The following TMTC2 variants were observed in gnomAD, a reference collection of about 807,000 sequenced individuals.
The protein encoded by TMTC2 is transmembrane O-mannosyltransferase targeting cadherins 2.
Under a neutral mutation model 82.4 loss-of-function variants are expected in TMTC2, and 43 were observed. The observed-to-expected ratio is 0.52, with a 90% confidence interval of 0.41 to 0.67. The LOEUF (loss-of-function observed/expected upper bound fraction) is 0.67, where lower values mean the gene tolerates loss of function less well. Ranked by LOEUF, TMTC2 falls within the 30% of genes least tolerant of loss-of-function variation. The probability of loss-of-function intolerance (pLI) is 0.00; values close to 1 mark genes in which losing one functional copy is unlikely to be tolerated. For missense variants in TMTC2, 919 were observed against 1,012.4 expected, an observed-to-expected ratio of 0.91 and a Z score of 1.25; for synonymous variants, 408 against 381.9, an observed-to-expected ratio of 1.07 and a Z score of -0.80.
At position 82,845,771 on chromosome 12, in the gene TMTC2, A is replaced by AG. The variant is rs373298738; in HGVS notation, c.84-11238dup. ...TATTTTAATCAGTGAAAGTGCTTAG[A>AG]GTGTGGTATTTCTCATATTTTCATG... is the stretch of plus-strand genomic sequence containing the variant. On this transcript the variant is annotated intron_variant, in intron 1 of 11. Coordinates refer to ENST00000321196, the MANE Select transcript of TMTC2 (RefSeq NM_152588.3). Among the ~76,000 whole-genome samples the AG allele has an allele frequency of 4.2e-3, 635 of 152,160 alleles. 7 individuals are homozygous for AG. The highest frequency in any genetic ancestry group is 0.014 in the African/African-American group (595 of 41,472).
chr12:82,822,788 T>C (rs1869190307), intron 1 of TMTC2, among the ~76,000 whole-genome samples: 1 of 152,228 alleles, frequency 6.6e-6, no homozygotes, highest in Non-Finnish European at 1.5e-5. Flanking sequence ...AAAATACCTG[T>C]GACCATCTTG....
chr12:82,853,564 A>AT (rs1592575756), intron 1 of TMTC2, among the ~76,000 whole-genome samples: 1 of 152,114 alleles, frequency 6.6e-6, no homozygotes, highest in East Asian at 1.9e-4. Flanking sequence ...CTTTGAACAG[A>AT]TTTTTTAATG....
chr12:82,690,461 T>C lies in TMTC2; in HGVS notation c.83+2792T>C. On this transcript the variant is annotated intron_variant, in intron 1 of 11. Coordinates refer to ENST00000321196, the MANE Select transcript of TMTC2 (RefSeq NM_152588.3). ...AGGTTATCATTTCTTTTAAATATAG[T>C]GATCGTTTACTTTATAAACTATATA... 4 of 931,658 alleles carry C rather than the reference T, an allele frequency of 4.3e-6. No homozygotes were observed. The South Asian group carries it at 1.5e-4, about 35-fold the overall frequency. The allele number at this position is 931,658 out of a possible 1,614,324, so 57.7% of individuals were successfully genotyped here.
rs17009992 is a variant in TMTC2 at position 82,796,588 on chromosome 12, T to C, written c.84-60422T>C. Among the ~76,000 whole-genome samples the C allele has an allele frequency of 6.4e-3, 975 of 152,280 alleles. 9 individuals are homozygous for C. The highest frequency in any genetic ancestry group is 0.022 in the African/African-American group (928 of 41,582). The stretch of plus-strand genomic sequence containing the variant: ...AGTTGGTCTAAGAATAACTTTGTTA[T>C]GGTGGTAAGCTTAGGGGAAAAGTAT... On this transcript the variant is annotated intron_variant, in intron 1 of 11. Transcript: ENST00000321196.
intron 9 of TMTC2, among the ~76,000 whole-genome samples, chr12:83,047,517 A>G (rs980622159): frequency 4.6e-5 from 7 of 152,242 alleles, no homozygotes; most frequent in East Asian, 1.9e-4. Context: ...TTCACATTCC[A>G]TAATATTCTG....
intron 11 of TMTC2, among the ~76,000 whole-genome samples, chr12:83,124,844 G>T (rs1234810193): frequency 2.0e-5 from 3 of 152,126 alleles, no homozygotes; most frequent in African/African-American, 4.8e-5. Flanking sequence ...TATTAGGTGG[G>T]AGATAGATTG....
chr12:82,846,124 C>T (rs534111271), intron 1 of TMTC2, among the ~76,000 whole-genome samples: 264 of 151,994 alleles, frequency 1.7e-3, no homozygotes, highest in Non-Finnish European at 2.8e-3. Flanking sequence ...TTTGGGAGGC[C>T]GAGGCAGGCA....
chr12:82,863,862 T>A (rs1328415378), intron 2 of TMTC2, among the ~76,000 whole-genome samples: 2 of 152,102 alleles, frequency 1.3e-5, no homozygotes, highest in African/African-American at 4.8e-5. Flanking sequence ...TCGAGAATAG[T>A]GCATGTAAAT....
chr12:83,059,841 C>T (rs12582321), intron 10 of TMTC2, among the ~76,000 whole-genome samples: 36,673 of 151,566 alleles, frequency 0.24, 5,523 homozygotes, highest in South Asian at 0.38. Context: ...AGTAGCTATA[C>T]TTTCCATGTT....
chr12:82,711,653 AAAG>A (rs1244439322), intron 1 of TMTC2, among the ~76,000 whole-genome samples: 1 of 152,228 alleles, frequency 6.6e-6, no homozygotes, highest in African/African-American at 2.4e-5. Context: ...TGATGAAAGA[AAAG>A]AAAAAAAATG....
At chr12:82,905,593 T>C (rs978366239) in intron 3 of TMTC2, among the ~76,000 whole-genome samples, 1 of 152,218 alleles carries the variant, frequency 6.6e-6, no homozygotes, top group African/African-American at 2.4e-5. Context: ...GTGATTATCC[T>C]AGCAGTCTGC....
At chr12:82,739,307 C>T (rs1875280985) in intron 1 of TMTC2, among the ~76,000 whole-genome samples, 1 of 152,030 alleles carries the variant, frequency 6.6e-6, no homozygotes, top group Admixed American at 6.6e-5. Flanking sequence ...CATCTCTAAC[C>T]TGTATAAGAG....
intron 11 of TMTC2, among the ~76,000 whole-genome samples, chr12:83,098,487 C>G (rs1481570945): frequency 6.6e-6 from 1 of 152,226 alleles, no homozygotes; most frequent in African/African-American, 2.4e-5. Flanking sequence ...CCTCAAGTCT[C>G]CAGTCCTTCA....
intron 9 of TMTC2, among the ~76,000 whole-genome samples, chr12:83,039,303 A>G (rs1234351059): frequency 6.6e-6 from 1 of 152,172 alleles, no homozygotes; most frequent in Non-Finnish European, 1.5e-5. Flanking sequence ...AATTATCCAT[A>G]ATTATTGAAT....
intron 11 of TMTC2, among the ~76,000 whole-genome samples, chr12:83,131,734 T>C (rs1885261146): frequency 6.6e-6 from 1 of 152,220 alleles, no homozygotes; most frequent in South Asian, 2.1e-4. Flanking sequence ...TTTCATAGTT[T>C]ATTTTAATTG....
chr12:82,898,827 G>T (rs1873811203), intron 3 of TMTC2, among the ~76,000 whole-genome samples: 1 of 152,158 alleles, frequency 6.6e-6, no homozygotes. Flanking sequence ...TTCATTCTGG[G>T]AAGCCAAGTA....
At chr12:83,049,216 G>A (rs918688689) in intron 9 of TMTC2, among the ~76,000 whole-genome samples, 1 of 152,080 alleles carries the variant, frequency 6.6e-6, no homozygotes, top group African/African-American at 2.4e-5. Context: ...TGCTATGTAG[G>A]TAAATTGTGT....
intron 3 of TMTC2, among the ~76,000 whole-genome samples, chr12:82,904,126 A>T (rs1328518111): frequency 6.6e-6 from 1 of 152,154 alleles, no homozygotes; most frequent in Non-Finnish European, 1.5e-5. Context: ...ACTGTCAGTA[A>T]TCTTCCTTAA....
At chr12:82,872,252 A>T (rs1053051900) in intron 2 of TMTC2, among the ~76,000 whole-genome samples, 9 of 152,158 alleles carry the variant, frequency 5.9e-5, no homozygotes, top group Non-Finnish European at 4.4e-5. Context: ...TGAACATCAC[A>T]TTGGCCTGCA....
Sources: gnomAD v4.1 joint callset for allele counts (sites outside exome capture counted in the v4.1 genomes callset) on GRCh38, gnomAD v4.1.1 for gene constraint, MANE v1.5 for transcripts, NCBI Gene and HGNC (gene_info 2026-07-23, HGNC 2026-07-21) for gene names.